DPP10: variants seen among roughly 807,000 people sequenced by gnomAD.
DPP10 encodes the protein dipeptidyl peptidase like 10.
In DPP10, 33 loss-of-function variants were observed where a neutral mutation model predicts 120.9. The observed-to-expected ratio is 0.27, with a 90% CI of 0.21 to 0.37. The LOEUF (loss-of-function observed/expected upper bound fraction) is 0.37, where lower values mean the gene tolerates loss of function less well. Among genes scored for constraint, DPP10 ranks in the 10% least tolerant of loss-of-function variants. The pLI, the probability that DPP10 is intolerant of heterozygous loss-of-function variation, is 1.00. For synonymous variants in DPP10, 337 were observed against 326.1 expected, an observed-to-expected ratio of 1.03 and a Z score of -0.36; for missense variants, 816 against 942.8, an observed-to-expected ratio of 0.87 and a Z score of 1.76.
At chr2:115,434,363 C>A (rs1396125022) in intron 3 of DPP10, among the ~76,000 whole-genome samples, 1 of 151,830 alleles carries the variant, frequency 6.6e-6, no homozygotes, top group Non-Finnish European at 1.5e-5. Context: ...TGAACACTTG[C>A]TTTTCACACA....
At chr2:115,190,656 G>C (rs2054813513) in intron 1 of DPP10, among the ~76,000 whole-genome samples, 1 of 152,196 alleles carries the variant, frequency 6.6e-6, no homozygotes, top group African/African-American at 2.4e-5. Context: ...TTCAACCTCA[G>C]GGAACAGCAG....
intron 19 of DPP10, among the ~76,000 whole-genome samples, chr2:115,804,405 T>C (rs1685656948): frequency 6.6e-6 from 1 of 152,170 alleles, no homozygotes; most frequent in African/African-American, 2.4e-5. Context: ...AGTAGTTTGA[T>C]CTTCTGAACC....
At chr2:114,819,454 T>A (rs1300543175) in intron 1 of DPP10, among the ~76,000 whole-genome samples, 4 of 152,118 alleles carry the variant, frequency 2.6e-5, no homozygotes, top group African/African-American at 9.7e-5. Context: ...GTCTATGTTA[T>A]CCCCGGAAAT....
At chr2:115,662,832 T>A (rs1384564899) in intron 5 of DPP10, among the ~76,000 whole-genome samples, 1 of 152,166 alleles carries the variant, frequency 6.6e-6, no homozygotes, top group Non-Finnish European at 1.5e-5. Context: ...CGAAGATATA[T>A]GAACATAGAA....
At chr2:115,752,576 G>A (rs1047348496) in intron 10 of DPP10, among the ~76,000 whole-genome samples, 4 of 152,064 alleles carry the variant, frequency 2.6e-5, no homozygotes, top group African/African-American at 9.7e-5. Context: ...TAAAAATTGG[G>A]ACTGGTCCTT....
intron 1 of DPP10, among the ~76,000 whole-genome samples, chr2:114,514,660 A>G (rs955289748): frequency 1.3e-5 from 2 of 152,092 alleles, no homozygotes; most frequent in Admixed American, 1.3e-4. Context: ...TGTGAAAACC[A>G]CTGAGGCAGC....
At chr2:114,759,217 T>C (rs113112475) in intron 1 of DPP10, among the ~76,000 whole-genome samples, 9 of 152,318 alleles carry the variant, frequency 5.9e-5, no homozygotes, top group African/African-American at 2.2e-4. Context: ...ATGCTTTCCA[T>C]ATGAAGCACC....
At chr2:115,276,603 T>C (rs533966985) in intron 1 of DPP10, among the ~76,000 whole-genome samples, 8 of 152,324 alleles carry the variant, frequency 5.3e-5, no homozygotes, top group Admixed American at 2.0e-4. Flanking sequence ...GGGAACTTAA[T>C]GATGCCATTT....
At chr2:114,925,210 CAA>C (rs66986816) in intron 1 of DPP10, among the ~76,000 whole-genome samples, 2,383 of 104,740 alleles carry the variant, frequency 0.023, 31 homozygotes, top group African/African-American at 0.057. Flanking sequence ...GACTCTGTCT[CAA>C]AAAAAAAAAA....
chr2:115,494,316 T>C (rs1479586420), intron 3 of DPP10, among the ~76,000 whole-genome samples: 5 of 152,164 alleles, frequency 3.3e-5, no homozygotes, highest in Admixed American at 6.5e-5. Flanking sequence ...ATTGACTTGT[T>C]TATAAAACAG....
chr2:114,857,319 G>A (rs1487286268), intron 1 of DPP10, among the ~76,000 whole-genome samples: 1 of 152,206 alleles, frequency 6.6e-6, no homozygotes, highest in African/African-American at 2.4e-5. Context: ...TCCACCTGAA[G>A]GAGAATATGT....
chr2:115,460,031 A>G (rs1465618262), intron 3 of DPP10, among the ~76,000 whole-genome samples: 1 of 151,356 alleles, frequency 6.6e-6, no homozygotes, highest in Non-Finnish European at 1.5e-5. Flanking sequence ...ATGTAAAAGT[A>G]CATTTATCTT....
At chr2:115,397,947 C>CT (rs1023571802) in intron 3 of DPP10, among the ~76,000 whole-genome samples, 2 of 152,076 alleles carry the variant, frequency 1.3e-5, no homozygotes, top group African/African-American at 4.8e-5. Context: ...TGGCAAGTTG[C>CT]TGGGTTTAGT....
intron 5 of DPP10, among the ~76,000 whole-genome samples, chr2:115,664,518 A>G (rs1161172448): frequency 6.6e-6 from 1 of 151,754 alleles, no homozygotes; most frequent in Non-Finnish European, 1.5e-5. Context: ...CTAGTACTAT[A>G]TTGAGAAAAA....
At chr2:115,484,851 A>G (rs2075669690) in intron 3 of DPP10, among the ~76,000 whole-genome samples, 4 of 152,048 alleles carry the variant, frequency 2.6e-5, no homozygotes, top group South Asian at 4.1e-4. Flanking sequence ...CCCACCTCCT[A>G]CCTAAAATAG....
intron 1 of DPP10, among the ~76,000 whole-genome samples, chr2:115,031,897 A>G (rs746099175): frequency 6.6e-6 from 1 of 152,166 alleles, no homozygotes; most frequent in Non-Finnish European, 1.5e-5. Context: ...CAGACCACTC[A>G]TCCTATATAT....
At chr2:115,570,382 T>A (rs532763060) in intron 5 of DPP10, among the ~76,000 whole-genome samples, 1 of 152,340 alleles carries the variant, frequency 6.6e-6, no homozygotes, top group South Asian at 2.1e-4. Context: ...AATGGCACAC[T>A]TGTAAGAAAG....
At chr2:115,665,186 A>T (rs1161417958) in intron 5 of DPP10, among the ~76,000 whole-genome samples, 2 of 152,224 alleles carry the variant, frequency 1.3e-5, no homozygotes, top group African/African-American at 4.8e-5. Flanking sequence ...GGTAATTAGT[A>T]GTGTCTCATG....
At chr2:115,539,344 G>T (rs1558819856) in intron 5 of DPP10, among the ~76,000 whole-genome samples, 1 of 151,896 alleles carries the variant, frequency 6.6e-6, no homozygotes, top group Non-Finnish European at 1.5e-5. Context: ...ATGAAATGGT[G>T]CCAGGAAGGC....
Sources: allele counts gnomAD v4.1 joint callset (sites outside exome capture counted in the v4.1 genomes callset), GRCh38; gene constraint gnomAD v4.1.1; transcripts MANE v1.5; gene names NCBI Gene and HGNC (gene_info 2026-07-23, HGNC 2026-07-21).